Variants in TAFA1 observed in about 807,000 individuals in gnomAD.
TAFA1 encodes the protein TAFA chemokine like family member 1.
In TAFA1, 4 loss-of-function variants were observed where a neutral mutation model predicts 18.5. The ratio of observed to expected loss-of-function variants is 0.22; its 90% confidence interval spans 0.11 to 0.49. The LOEUF is 0.49. Ranked by LOEUF, TAFA1 falls within the 20% of genes least tolerant of loss-of-function variation. The probability of loss-of-function intolerance (pLI) is 0.98; values close to 1 mark genes in which losing one functional copy is unlikely to be tolerated. For missense variants in TAFA1, 147 were observed against 169.0 expected (o/e 0.87, Z 0.72); for synonymous variants, 56 against 55.2 (o/e 1.01, Z -0.06).
chr3:68,293,621 T>C (rs2068154028), intron 2 of TAFA1, among the ~76,000 whole-genome samples: 2 of 152,210 alleles, frequency 1.3e-5, no homozygotes, highest in African/African-American at 2.4e-5. Flanking sequence ...TAATGAGATA[T>C]TGCATAGATC....
chr3:68,210,237 G>A (rs545186406), intron 2 of TAFA1, among the ~76,000 whole-genome samples: 32 of 152,116 alleles, frequency 2.1e-4, no homozygotes, highest in African/African-American at 7.7e-4. Context: ...TAAATATGGT[G>A]ACTCAAGTCA....
chr3:68,543,098 T>G (rs2073403960), intron 4 of TAFA1, among the ~76,000 whole-genome samples: 1 of 152,190 alleles, frequency 6.6e-6, no homozygotes, highest in Non-Finnish European at 1.5e-5. Context: ...AACATCTTTG[T>G]AGCTATATTA....
chr3:68,211,403 T>C (rs1252265144), intron 2 of TAFA1, among the ~76,000 whole-genome samples: 2 of 152,098 alleles, frequency 1.3e-5, no homozygotes, highest in African/African-American at 4.8e-5. Context: ...TACTGACTAA[T>C]GCCTTCATTT....
At chr3:68,457,497 C>G (rs1226377356) in intron 3 of TAFA1, among the ~76,000 whole-genome samples, 1 of 152,088 alleles carries the variant, frequency 6.6e-6, no homozygotes, top group African/African-American at 2.4e-5. Context: ...TTTTAAAAAC[C>G]TACACAAGTG....
chr3:68,033,587 G>A (rs1328349385), intron 2 of TAFA1, among the ~76,000 whole-genome samples: 1 of 152,064 alleles, frequency 6.6e-6, no homozygotes, highest in Non-Finnish European at 1.5e-5. Context: ...ATGCATGTAA[G>A]CCAATGAGAT....
chr3:68,103,660 C>T (rs760465233), intron 2 of TAFA1, among the ~76,000 whole-genome samples: 4 of 152,082 alleles, frequency 2.6e-5, no homozygotes, highest in Non-Finnish European at 4.4e-5. Flanking sequence ...CTTTAGCACG[C>T]TAATTGTCAT....
chr3:68,392,600 C>A (rs1208300266), intron 2 of TAFA1, among the ~76,000 whole-genome samples: 1 of 152,102 alleles, frequency 6.6e-6, no homozygotes, highest in Non-Finnish European at 1.5e-5. Flanking sequence ...AAACTGGCCA[C>A]ATACTTGGAA....
At chr3:68,369,007 G>A (rs2069627528) in intron 2 of TAFA1, among the ~76,000 whole-genome samples, 1 of 152,182 alleles carries the variant, frequency 6.6e-6, no homozygotes, top group African/African-American at 2.4e-5. Flanking sequence ...AAAAATATAT[G>A]TAAATCACTA....
chr3:68,075,520 A>G (rs897546980), intron 2 of TAFA1, among the ~76,000 whole-genome samples: 21 of 152,192 alleles, frequency 1.4e-4, no homozygotes, highest in African/African-American at 4.3e-4. Context: ...AGGGCTGTTG[A>G]AAGTAAATGC....
chr3:68,086,096 G>T (rs1172660744), intron 2 of TAFA1, among the ~76,000 whole-genome samples: 1 of 152,264 alleles, frequency 6.6e-6, no homozygotes, highest in African/African-American at 2.4e-5. Flanking sequence ...TACTAAAATG[G>T]GCAGTTATTA....
intron 3 of TAFA1, among the ~76,000 whole-genome samples, chr3:68,499,447 T>TC (rs201418879): frequency 0.2 from 2,245 of 11,430 alleles, 75 homozygotes; most frequent in African/African-American, 0.44. Flanking sequence ...TGTTCCTTTC[T>TC]TTTTTTTTTT....
chr3:68,520,396 A>C (rs1432514688), intron 3 of TAFA1, among the ~76,000 whole-genome samples: 1 of 152,172 alleles, frequency 6.6e-6, no homozygotes, highest in African/African-American at 2.4e-5. Context: ...TTGATGGCTG[A>C]TGTTCAGTTT....
At chr3:68,383,171 CTTTA>C (rs1415313080) in intron 2 of TAFA1, among the ~76,000 whole-genome samples, 3 of 151,766 alleles carry the variant, frequency 2.0e-5, no homozygotes, top group Admixed American at 1.3e-4. Context: ...GACTTACTCT[CTTTA>C]TTTCTTTCTG....
chr3:68,509,298 G>A (rs2668160), intron 3 of TAFA1, among the ~76,000 whole-genome samples: 30,763 of 151,890 alleles, frequency 0.2, 3,225 homozygotes, highest in Middle Eastern at 0.23. Context: ...ATTAGAGTTC[G>A]TTTCATGTCC....
chr3:68,101,869 C>A (rs1304454588), intron 2 of TAFA1, among the ~76,000 whole-genome samples: 1 of 152,058 alleles, frequency 6.6e-6, no homozygotes, highest in Non-Finnish European at 1.5e-5. Flanking sequence ...GCTTATGTGA[C>A]CAGTTACTCC....
At chr3:68,493,568 C>T (rs1488217331) in intron 3 of TAFA1, among the ~76,000 whole-genome samples, 2 of 152,264 alleles carry the variant, frequency 1.3e-5, no homozygotes, top group East Asian at 1.9e-4. Flanking sequence ...AACTGTTTTC[C>T]ACAGCAGGTG....
At chr3:68,386,781 G>A (rs1051280582) in intron 2 of TAFA1, among the ~76,000 whole-genome samples, 5 of 152,132 alleles carry the variant, frequency 3.3e-5, no homozygotes, top group African/African-American at 9.7e-5. Flanking sequence ...GTGTGTAGCT[G>A]CAGCTTTGCC....
intron 2 of TAFA1, among the ~76,000 whole-genome samples, chr3:68,258,928 A>G (rs1387413633): frequency 6.6e-6 from 1 of 152,226 alleles, no homozygotes; most frequent in Non-Finnish European, 1.5e-5. Flanking sequence ...TGGAAATATC[A>G]GGTTCTGCTG....
intron 2 of TAFA1, among the ~76,000 whole-genome samples, chr3:68,362,646 G>A (rs747890191): frequency 1.3e-5 from 2 of 152,100 alleles, no homozygotes; most frequent in African/African-American, 2.4e-5. Context: ...TGGAAATGCA[G>A]TTCAACCCTT....
Sources: gnomAD v4.1 joint callset for allele counts (sites outside exome capture counted in the v4.1 genomes callset) on GRCh38, gnomAD v4.1.1 for gene constraint, MANE v1.5 for transcripts, NCBI Gene and HGNC (gene_info 2026-07-23, HGNC 2026-07-21) for gene names.